The following ATRX variants were observed in gnomAD, a reference collection of about 807,000 sequenced individuals.
ATRX encodes the protein ATRX chromatin remodeler, also known as chromatin remodeler ATRX.
Under a neutral mutation model 172.6 loss-of-function variants are expected in ATRX, and 12 were observed. The observed-to-expected ratio is 0.07, with a 90% confidence interval of 0.04 to 0.11. ATRX has a LOEUF of 0.11. ATRX is among the 10% of genes least tolerant of loss of function. The probability of loss-of-function intolerance (pLI) is 1.00; values close to 1 mark genes in which losing one functional copy is unlikely to be tolerated. For synonymous variants in ATRX, 674 were observed against 594.7 expected, an observed-to-expected ratio of 1.13 and a Z score of -1.94; for missense variants, 1,368 against 1,767.4, an observed-to-expected ratio of 0.77 and a Z score of 4.05.
intron 32 of ATRX, 125 bp downstream of exon 32, chrX:77,522,138 T>G: frequency 6.1e-6 from 6 of 981,179 alleles, no homozygotes; most frequent in South Asian, 2.0e-5. Context: ...AAACAAAAAT[T>G]TATTCGTCTA....
rs782339652 is a variant in ATRX, at chrX:77,682,635, C to G, written c.2621G>C (p.Gly874Ala). 1 of 1,209,774 alleles carries G rather than the reference C, an allele frequency of 8.3e-7. No homozygotes were observed. The highest frequency in any genetic ancestry group is 2.2e-5 in the Admixed American group (1 of 45,999). ...TTTTCTTTCAGCATCATCAGATGAT[C>G]CTTCTTGTGAGGTCTTCAAATTTTT... ...GHKNLKTSQEGSSDDAERKQE... is the reference protein window; with the variant it reads ...GHKNLKTSQEASSDDAERKQE... Residue 874 changes from glycine (G) to alanine (A), a missense_variant, in exon 9 of 35, where the codon GGA becomes GCA. Around this residue, in one of 17 missense-constraint regions of ATRX, gnomAD observed 843 missense variants for 643.1 expected, o/e 1.31. Transcript: ENST00000373344.
Position 77,574,241 on chromosome X carries a change from T to G in ATRX, c.6326+9A>C. On this transcript the variant is annotated intron_variant, in intron 28 of 34. Coordinates refer to ENST00000373344, the MANE Select transcript of ATRX (RefSeq NM_000489.6). ...TAATGTTTCTACATATACAGAAAAT[T>G]TTTCCTACCTCACATTAGTTTCATC... 1 of 1,135,455 alleles carries G rather than the reference T, an allele frequency of 8.8e-7. No homozygotes were observed. Among genetic ancestry groups the G allele is most frequent in the Non-Finnish European group, 1.2e-6 (1 of 828,559 alleles). The allele number at this position is 1,135,455 out of a possible 1,213,427, so 93.6% of individuals were successfully genotyped here.
At chrX:77,785,826 A>G in intron 1 of ATRX, 156 bp downstream of exon 1, 1 of 716,118 alleles carries the variant, frequency 1.4e-6, no homozygotes, top group Non-Finnish European at 1.6e-6. Flanking sequence ...TTGCGCCGAT[A>G]CCCCGAAACC....
intron 1 of ATRX, among the ~76,000 whole-genome samples, chrX:77,763,771 G>A (rs782749892): frequency 9.2e-4 from 100 of 109,158 alleles, no homozygotes; most frequent in Non-Finnish European, 1.6e-3. Flanking sequence ...ACCCGGCCCC[G>A]TTATACTATT....
chrX:77,670,754 CAAA>C (rs1184577252), intron 10 of ATRX, among the ~76,000 whole-genome samples: 1 of 62,914 alleles, frequency 1.6e-5, no homozygotes, highest in Non-Finnish European at 3.1e-5. Context: ...GACTCTGTCT[CAAA>C]AAAAAAAAAA....
chrX:77,521,614 T>C, intron 32 of ATRX, 116 bp from the exon 33 acceptor site: 3 of 532,518 alleles, frequency 5.6e-6, no homozygotes, highest in Admixed American at 2.8e-5. Context: ...CTTTAAATAA[T>C]TGAAGAGAAC....
chrX:77,541,355 C>G (rs2063986405), intron 30 of ATRX, among the ~76,000 whole-genome samples: 1 of 111,880 alleles, frequency 8.9e-6, no homozygotes, highest in South Asian at 3.7e-4. Flanking sequence ...AAGTCCAGGA[C>G]CAGATGGATT....
At chrX:77,675,318 T>C (rs1454226704) in intron 10 of ATRX, 5 of 111,729 alleles carry the variant, frequency 4.5e-5, no homozygotes, top group Non-Finnish European at 9.4e-5. Flanking sequence ...TTCTTAAATA[T>C]AGTAAATTTT....
intron 34 of ATRX, among the ~76,000 whole-genome samples, chrX:77,513,316 C>CAAAA (rs1217104194): frequency 3.9e-4 from 10 of 25,641 alleles, no homozygotes; most frequent in East Asian, 1.5e-3. Flanking sequence ...GACTCCGTCT[C>CAAAA]AAAAAAAAAA....
intron 1 of ATRX, among the ~76,000 whole-genome samples, chrX:77,771,522 G>A (rs1336754909): frequency 1.8e-5 from 2 of 109,614 alleles, no homozygotes; most frequent in Middle Eastern, 4.6e-3. Flanking sequence ...GACATAACCC[G>A]TTCCACCACC....
At chrX:77,592,288 G>A (rs984066345) in intron 26 of ATRX, among the ~76,000 whole-genome samples, 32 of 106,788 alleles carry the variant, frequency 3.0e-4, no homozygotes, top group Non-Finnish European at 3.1e-4. Flanking sequence ...GTGTGTGCCT[G>A]TAATCCCAGC....
Position 77,546,714 on chromosome X carries a change from A to T in ATRX, c.6699+10737T>A, listed in dbSNP as rs1298103477. Among the ~76,000 whole-genome samples, 3 of 111,575 alleles carry T rather than the reference A, an allele frequency of 2.7e-5. 1 individual carries two copies. Among genetic ancestry groups the T allele is most frequent in the Non-Finnish European group, 5.7e-5 (3 of 53,082 alleles). ...GACCAGGCTGATCCTGAACTCCTGG[A>T]TTCAAGCAATCCTCCCACCTTGGCC... On this transcript the variant is annotated intron_variant, in intron 30 of 34. Transcript: ENST00000373344.
At chrX:77,699,174 T>A (rs1485608151) in intron 2 of ATRX, among the ~76,000 whole-genome samples, 2 of 110,766 alleles carry the variant, frequency 1.8e-5, no homozygotes, top group South Asian at 3.9e-4. Flanking sequence ...CACTCCATTG[T>A]CCATACTGGA....
intron 30 of ATRX, among the ~76,000 whole-genome samples, chrX:77,547,809 G>T (rs2064303248): frequency 9.0e-6 from 1 of 111,194 alleles, no homozygotes; most frequent in South Asian, 3.8e-4. Flanking sequence ...TAGCTGAGAT[G>T]ATCTCCTCTG....
rs782239238 is a variant in ATRX, at chrX:77,614,461, A to G, written c.5566+2152T>C. The stretch of plus-strand genomic sequence containing the variant: ...TTAACAATCATATCTTTTAGATTTT[A>G]GCTATGGCAATTAGTGCTTTAGATA... On this transcript the variant is annotated intron_variant, in intron 22 of 34. Transcript: ENST00000373344. Among the ~76,000 whole-genome samples the G allele has an allele frequency of 2.7e-5, 3 of 112,369 alleles. No homozygotes were observed. In the South Asian group the frequency reaches 1.1e-3, roughly 41 times the overall value.
chrX:77,590,460 A>C (rs1224570210), intron 26 of ATRX, among the ~76,000 whole-genome samples: 1 of 109,026 alleles, frequency 9.2e-6, no homozygotes, highest in Non-Finnish European at 1.9e-5. Flanking sequence ...AATACAAAAA[A>C]AATAAGCTGG....
At chrX:77,596,469 G>A (rs1446434821) in intron 25 of ATRX, 1 of 110,796 alleles carries the variant, frequency 9.0e-6, no homozygotes, top group East Asian at 2.8e-4. Context: ...TAGTTCTGGA[G>A]AATGCTTCTA....
At chrX:77,634,232 TAAAAAA>T (rs144290953) in intron 17 of ATRX, among the ~76,000 whole-genome samples, 7 of 54,068 alleles carry the variant, frequency 1.3e-4, no homozygotes, top group African/African-American at 5.3e-4. Context: ...TTAAAAGTTG[TAAAAAA>T]AAAAAAAAAA....
At chrX:77,511,186 C>A (rs2062856112) in intron 34 of ATRX, among the ~76,000 whole-genome samples, 1 of 111,914 alleles carries the variant, frequency 8.9e-6, no homozygotes. Flanking sequence ...TTATCCAAGA[C>A]CACCAAGGCG....
Sources: allele counts gnomAD v4.1 joint callset (sites outside exome capture counted in the v4.1 genomes callset), GRCh38; gene constraint gnomAD v4.1.1; regional missense constraint gnomAD v4.1.1; transcripts MANE v1.5; gene names NCBI Gene and HGNC (gene_info 2026-07-23, HGNC 2026-07-21).